The following ZNF608 variants were observed in gnomAD, a reference collection of about 807,000 sequenced individuals.
ZNF608 encodes renal carcinoma antigen NY-REN-36.
In ZNF608, 12 loss-of-function variants were observed where a neutral mutation model predicts 109.0. The ratio of observed to expected loss-of-function variants is 0.11; its 90% CI spans 0.07 to 0.18. The LOEUF (loss-of-function observed/expected upper bound fraction) is 0.18, where lower values mean the gene tolerates loss of function less well. ZNF608 is among the 10% of genes least tolerant of loss of function. The pLI is 1.00. For missense variants in ZNF608, 1,707 were observed against 1,879.3 expected, an observed-to-expected ratio of 0.91 and a Z score of 1.70; for synonymous variants, 732 against 717.4, an observed-to-expected ratio of 1.02 and a Z score of -0.33.
Position 124,746,632 on chromosome 5 carries a change from C to G in ZNF608, c.-621G>C. On this transcript the variant is annotated 5_prime_UTR_variant, in exon 1 of 10. Transcript: ENST00000513986. ...CATGTAGCAAACCTACAGGCGTCCG[C>G]TAGTAACGAGACAGAATGTGCTAAC... 2.0e-6 allele frequency: 2 copies of G among 985,280 alleles called. No individual in the cohort carries two copies. The highest frequency in any genetic ancestry group is 2.4e-6 in the Non-Finnish European group (2 of 829,916). 61.0% of individuals were successfully genotyped at this position (985,280 alleles called of 1,614,324 possible).
At chr5:124,720,538 T>C (rs1478094380) in intron 2 of ZNF608, among the ~76,000 whole-genome samples, 2 of 152,238 alleles carry the variant, frequency 1.3e-5, no homozygotes. Context: ...TAAACATGTA[T>C]AGCTTCAATC....
chr5:124,641,485 C>T (rs749504634), intron 7 of ZNF608, 80 bp from the exon 8 acceptor site: 34 of 1,387,058 alleles, frequency 2.5e-5, no homozygotes, highest in East Asian at 2.0e-4. Flanking sequence ...TTTGTCCCTT[C>T]GACAATATTG....
chr5:124,651,944 G>A (rs1750804848), intron 3 of ZNF608, among the ~76,000 whole-genome samples: 1 of 152,236 alleles, frequency 6.6e-6, no homozygotes, highest in South Asian at 2.1e-4. Flanking sequence ...GCACTAACGA[G>A]TCCGGCCGTG....
intron 2 of ZNF608, among the ~76,000 whole-genome samples, chr5:124,715,823 C>T (rs1388800983): frequency 6.6e-6 from 1 of 152,132 alleles, no homozygotes; most frequent in East Asian, 1.9e-4. Flanking sequence ...ACTTTTAATG[C>T]ATTTTTCTCA....
chr5:124,638,036 T>C lies in ZNF608; in HGVS notation c.4533-130A>G, dbSNP rs188529427. ...CTCAATCTCGGCTCACCGCAACCTCTGCCTCCTGGGTTCAAGTGATTCTCC... is the reference window on the plus strand; with the variant it reads ...CTCAATCTCGGCTCACCGCAACCTCCGCCTCCTGGGTTCAAGTGATTCTCC... On this transcript the variant is annotated intron_variant, in intron 9 of 9. Transcript: ENST00000513986. 118 of 897,072 alleles carry C rather than the reference T, an allele frequency of 1.3e-4. No homozygotes were observed. The East Asian group carries it at 3.3e-3, about 25-fold the overall frequency. The allele number at this position is 897,072 out of a possible 1,614,324, so 55.6% of individuals were successfully genotyped here. A position where few individuals can be genotyped will look rare whatever the true frequency, so the allele number is the denominator to read the frequency against.
At chr5:124,664,083 A>G (rs1751381684) in intron 3 of ZNF608, among the ~76,000 whole-genome samples, 1 of 152,238 alleles carries the variant, frequency 6.6e-6, no homozygotes, top group Non-Finnish European at 1.5e-5. Flanking sequence ...CAGGACCAAA[A>G]CATATTTTGT....
At chr5:124,745,570 A>T (rs1749610295) in intron 1 of ZNF608, 1 of 152,472 alleles carries the variant, frequency 6.6e-6, no homozygotes. Flanking sequence ...AAGGAAGAAC[A>T]CAGCTTTAAA....
chr5:124,690,954 C>CACACACACACACACACAA (rs10666145), intron 3 of ZNF608, among the ~76,000 whole-genome samples: 51 of 150,840 alleles, frequency 3.4e-4, no homozygotes, highest in African/African-American at 1.2e-3. Flanking sequence ...CACACACACA[C>CACACACACACACACACAA]ATAATGGAAA....
At chr5:124,714,308 A>C (rs1166309773) in intron 2 of ZNF608, among the ~76,000 whole-genome samples, 1 of 152,204 alleles carries the variant, frequency 6.6e-6, no homozygotes, top group Non-Finnish European at 1.5e-5. Flanking sequence ...TCTCAAACAC[A>C]TTCTGTTGAG....
At chr5:124,735,509 C>A (rs577932173) in intron 2 of ZNF608, among the ~76,000 whole-genome samples, 12 of 152,322 alleles carry the variant, frequency 7.9e-5, no homozygotes, top group Admixed American at 6.5e-4. Context: ...ACCAGTGCGA[C>A]TGATAAGATA....
intron 3 of ZNF608, among the ~76,000 whole-genome samples, chr5:124,658,666 A>G (rs1320841368): frequency 6.6e-6 from 1 of 152,114 alleles, no homozygotes; most frequent in East Asian, 1.9e-4. Flanking sequence ...TTTTAAAGCC[A>G]AATTTCCTCA....
chr5:124,642,692 C>CT (rs755561532), intron 7 of ZNF608, among the ~76,000 whole-genome samples: 3,178 of 95,274 alleles, frequency 0.033, 83 homozygotes, highest in African/African-American at 0.054. Context: ...TTTCTATTGT[C>CT]TTTTTTTTTT....
intron 3 of ZNF608, among the ~76,000 whole-genome samples, chr5:124,695,921 C>T (rs1041531697): frequency 6.6e-6 from 1 of 151,432 alleles, no homozygotes; most frequent in African/African-American, 2.4e-5. Context: ...GGGTGGCTCA[C>T]GCCTGTAATC....
intron 2 of ZNF608, among the ~76,000 whole-genome samples, chr5:124,738,545 A>G (rs908557899): frequency 6.6e-6 from 1 of 152,226 alleles, no homozygotes; most frequent in Non-Finnish European, 1.5e-5. Flanking sequence ...CTACACCTCT[A>G]GAGTGTGTTC....
rs1040686267 is a variant in ZNF608 at position 124,716,805 on chromosome 5, G to T, written c.907-15536C>A. Among the ~76,000 whole-genome samples, 17 of 152,218 alleles carry T rather than the reference G, an allele frequency of 1.1e-4. No homozygotes were observed. The East Asian group carries it at 3.3e-3, about 29-fold the overall frequency. On this transcript the variant is annotated intron_variant, in intron 2 of 9. Transcript: ENST00000513986. ...TGAGTAAAAGTTGTACATTTTGGCCGGGCATGGTGGCTCACGCCTGTAATT... is the reference window on the plus strand; with the variant it reads ...TGAGTAAAAGTTGTACATTTTGGCCTGGCATGGTGGCTCACGCCTGTAATT...
upstream of ZNF608, chr5:124,748,442 T>C (rs1387007359): frequency 7.1e-6 from 5 of 703,404 alleles, no homozygotes; most frequent in Non-Finnish European, 8.7e-6. Flanking sequence ...CTGTAACTAG[T>C]TCCTCATTTC....
chr5:124,730,644 T>G (rs912904484), intron 2 of ZNF608, among the ~76,000 whole-genome samples: 5 of 152,230 alleles, frequency 3.3e-5, no homozygotes, highest in African/African-American at 7.2e-5. Context: ...AACAGGTTTA[T>G]AGAAATCATT....
chr5:124,658,916 T>C (rs1261808252), intron 3 of ZNF608, among the ~76,000 whole-genome samples: 1 of 152,214 alleles, frequency 6.6e-6, no homozygotes, highest in African/African-American at 2.4e-5. Context: ...GACACAGATC[T>C]TGTGGTATTA....
chr5:124,648,377 T>C lies in ZNF608; in HGVS notation c.2007A>G (p.Glu669=), dbSNP rs1395833178. ...NSGKKKGLNN[E]LNNLPVISNM... ...TGGAGATTACTGGAAGGTTGTTCAG[T>C]TCATTGTTAAGGCCCTTCTTTTTGC... The change falls in exon 5 of 10, where the codon GAA becomes GAG. Residue 669 remains glutamate, a synonymous_variant. Coordinates refer to ENST00000513986, the MANE Select transcript of ZNF608 (RefSeq NM_020747.3). 1 of 1,614,164 alleles carries C rather than the reference T, an allele frequency of 6.2e-7. No homozygotes were observed. The highest frequency in any genetic ancestry group is 1.3e-5 in the African/African-American group (1 of 75,034).
Sources: gnomAD v4.1 joint callset for allele counts (sites outside exome capture counted in the v4.1 genomes callset) on GRCh38, gnomAD v4.1.1 for gene constraint, MANE v1.5 for transcripts, NCBI Gene and HGNC (gene_info 2026-07-23, HGNC 2026-07-21) for gene names.